The following RMP64 variants were observed in gnomAD, a reference collection of about 807,000 sequenced individuals.
RMP64 encodes the protein ribonuclease MRP subunit p64, also known as nucleolus and neural progenitor protein.
At chr3:113,013,459 TTTG>T in the RMP64 span, 7 of 1,298,686 alleles carry the variant, frequency 5.4e-6, no homozygotes, top group South Asian at 1.4e-5. Flanking sequence ...GGGTTTTTTT[TTTG>T]TTTTTTTTTT....
the RMP64 span, chr3:113,012,722 G>C: frequency 6.9e-7 from 1 of 1,451,474 alleles, no homozygotes; most frequent in African/African-American, 1.4e-5. Flanking sequence ...GATGTCAGAG[G>C]TATGTACATA....
chr3:113,010,752 T>C, the RMP64 span: 1 of 1,466,920 alleles, frequency 6.8e-7, no homozygotes, highest in Non-Finnish European at 9.5e-7. Context: ...GCATACTATT[T>C]TCAAATCTAC....
chr3:113,011,753 T>C, the RMP64 span, among the ~76,000 whole-genome samples: 1 of 152,220 alleles, frequency 6.6e-6, no homozygotes, highest in South Asian at 2.1e-4. Context: ...TTTCTCTTTT[T>C]AAATTTCTTA....
At chr3:113,019,630 C>T in the RMP64 span, 8 of 1,613,222 alleles carry the variant, frequency 5.0e-6, no homozygotes, top group Admixed American at 5.0e-5. Context: ...CCAGGCCCGG[C>T]GGCACCGCAG....
the RMP64 span, chr3:113,017,466 G>C: frequency 6.2e-7 from 1 of 1,613,752 alleles, no homozygotes; most frequent in East Asian, 2.2e-5. Context: ...GGGCCAAATG[G>C]GGTTTGTGGC....
the RMP64 span, chr3:113,014,853 T>A: frequency 6.6e-6 from 1 of 152,192 alleles, no homozygotes; most frequent in Non-Finnish European, 1.5e-5. Context: ...TCTCTTGGGT[T>A]TTTTTTCTCT....
the RMP64 span, among the ~76,000 whole-genome samples, chr3:113,018,221 T>A: frequency 6.6e-6 from 1 of 152,202 alleles, no homozygotes; most frequent in African/African-American, 2.4e-5. Flanking sequence ...TCATGTGTTA[T>A]TTATGGCTCT....
chr3:113,013,535 G>A, the RMP64 span: 9 of 766,660 alleles, frequency 1.2e-5, no homozygotes, highest in Admixed American at 6.1e-5. Flanking sequence ...AGATGCATAG[G>A]GCAAGGTATG....
At chr3:113,015,126 T>C in the RMP64 span, 1 of 152,254 alleles carries the variant, frequency 6.6e-6, no homozygotes, top group African/African-American at 2.4e-5. Flanking sequence ...CAAATTTTTG[T>C]ATCTGTCTAG....
the RMP64 span, chr3:113,011,330 T>C: frequency 1.9e-6 from 3 of 1,613,332 alleles, no homozygotes; most frequent in South Asian, 2.2e-5. Flanking sequence ...GGTTGAATCC[T>C]AGCGACCTCT....
chr3:113,005,940 T>C, the RMP64 span: 1 of 1,613,926 alleles, frequency 6.2e-7, no homozygotes, highest in African/African-American at 1.3e-5. Context: ...GAAGTTTTGA[T>C]ACCTGAGCCA....
chr3:113,011,860 T>C, the RMP64 span, among the ~76,000 whole-genome samples: 1 of 152,158 alleles, frequency 6.6e-6, no homozygotes, highest in African/African-American at 2.4e-5. Flanking sequence ...TGATTAGTAA[T>C]CAAACATTGT....
chr3:113,014,357 A>ATT, the RMP64 span: 327 of 163,290 alleles, frequency 2.0e-3, 3 homozygotes, highest in South Asian at 0.025. Flanking sequence ...CTAAGACAAG[A>ATT]TTTTTTTTTT....
chr3:113,013,762 C>G, the RMP64 span, among the ~76,000 whole-genome samples: 2 of 152,162 alleles, frequency 1.3e-5, no homozygotes, highest in African/African-American at 4.8e-5. Flanking sequence ...CAATGTCACA[C>G]CAGTCACTCC....
chr3:113,015,335 A>G, the RMP64 span, among the ~76,000 whole-genome samples: 1 of 152,270 alleles, frequency 6.6e-6, no homozygotes, highest in African/African-American at 2.4e-5. Flanking sequence ...AGCTTACATT[A>G]TAGCTGGGAG....
the RMP64 span, chr3:113,012,957 A>G: frequency 1.6e-6 from 1 of 629,428 alleles, no homozygotes; most frequent in Non-Finnish European, 2.8e-6. Flanking sequence ...TAAGAATTTA[A>G]AACTTTAAAA....
At chr3:113,013,479 AT>A in the RMP64 span, 1 of 1,123,912 alleles carries the variant, frequency 8.9e-7, no homozygotes, top group Non-Finnish European at 1.3e-6. Context: ...TTTTTTTTAC[AT>A]TTACCAGTTT....
At chr3:113,013,533 A>G in the RMP64 span, 1 of 810,732 alleles carries the variant, frequency 1.2e-6, no homozygotes, top group South Asian at 1.9e-5. Flanking sequence ...AGAGATGCAT[A>G]GGGCAAGGTA....
chr3:113,004,307 CCT>C, the RMP64 span: 1 of 152,134 alleles, frequency 6.6e-6, no homozygotes, highest in Non-Finnish European at 1.5e-5. Flanking sequence ...GTTTCTGGCC[CCT>C]GTTTATCAGT....
Sources: gnomAD v4.1 joint callset for allele counts (sites outside exome capture counted in the v4.1 genomes callset) on GRCh38, gnomAD v4.1.1 for gene constraint, MANE v1.5 for transcripts, NCBI Gene and HGNC (gene_info 2026-07-23, HGNC 2026-07-21) for gene names.